PJA2: variants seen among roughly 807,000 people sequenced by gnomAD.
The protein encoded by PJA2 is E3 ubiquitin-protein ligase Praja-2.
A neutral mutation model predicts 69.3 loss-of-function variants in PJA2; 25 were observed. That is an observed-to-expected ratio of 0.36 (90% CI 0.26 to 0.50). The LOEUF is 0.50. PJA2 is among the 20% of genes least tolerant of loss of function. The pLI, the probability that PJA2 is intolerant of heterozygous loss-of-function variation, is 0.96. For synonymous variants in PJA2, 308 were observed against 277.8 expected, an observed-to-expected ratio of 1.11 and a Z score of -1.08; for missense variants, 809 against 830.2, an observed-to-expected ratio of 0.97 and a Z score of 0.31.
intron 9 of PJA2, among the ~76,000 whole-genome samples, chr5:109,338,822 A>T (rs1025364032): frequency 6.6e-6 from 1 of 152,142 alleles, no homozygotes; most frequent in Non-Finnish European, 1.5e-5. Context: ...AAAGATAACA[A>T]TAAGTCCTAA....
chr5:109,334,993 A>G lies in PJA2; in HGVS notation c.*2238T>C, dbSNP rs1761913510. 1 of 152,624 alleles carries G rather than the reference A, an allele frequency of 6.6e-6. No individual in the cohort carries two copies. The highest frequency in any genetic ancestry group is 1.5e-5 in the Non-Finnish European group (1 of 68,030). 9.5% of individuals were successfully genotyped at this position (152,624 alleles called of 1,614,324 possible). ...GAAATAAGAAAATGTTAAAAAAATA[A>G]AATTAGGTTAAGTCACAACATAAAA... On this transcript the variant is annotated 3_prime_UTR_variant, in exon 10 of 10. Transcript: ENST00000361189.
chr5:109,406,164 C>G (rs998994205), intron 1 of PJA2, among the ~76,000 whole-genome samples: 2 of 151,760 alleles, frequency 1.3e-5, no homozygotes, highest in Non-Finnish European at 2.9e-5. Context: ...CTAACTCAGC[C>G]GGAGTAGCTG....
At chr5:109,366,157 T>C (rs886702687) in intron 5 of PJA2, among the ~76,000 whole-genome samples, 16 of 151,086 alleles carry the variant, frequency 1.1e-4, no homozygotes, top group Admixed American at 6.6e-5. Flanking sequence ...GAATGCAAAA[T>C]ATATTAATTG....
At chr5:109,354,431 C>T (rs1394227285) in intron 7 of PJA2, among the ~76,000 whole-genome samples, 1 of 138,790 alleles carries the variant, frequency 7.2e-6, no homozygotes, top group Admixed American at 7.1e-5. Flanking sequence ...TCTATGATAT[C>T]TAGAGATGTC....
Position 109,335,047 on chromosome 5 carries a change from T to A in PJA2, c.*2184A>T, listed in dbSNP as rs1561335902. ...AGAAATAAGATAAATGCTATTTTAT[T>A]AATATTCATACTTATTTCTAATTTA... On this transcript the variant is annotated 3_prime_UTR_variant, in exon 10 of 10. Transcript: ENST00000361189. 6.6e-6 allele frequency: 1 copy of A among 152,634 alleles called. No individual in the cohort carries two copies. The highest frequency in any genetic ancestry group is 1.5e-5 in the Non-Finnish European group (1 of 68,024). The allele number at this position is 152,634 out of a possible 1,614,324, so 9.5% of individuals were successfully genotyped here.
chr5:109,340,577 C>T (rs1192800706), intron 9 of PJA2, among the ~76,000 whole-genome samples: 1 of 144,846 alleles, frequency 6.9e-6, no homozygotes, highest in East Asian at 2.1e-4. Context: ...AAAACACTTC[C>T]TTTATTTAAA....
chr5:109,399,023 C>T (rs1270898374), intron 1 of PJA2, among the ~76,000 whole-genome samples: 3 of 151,944 alleles, frequency 2.0e-5, no homozygotes, highest in African/African-American at 7.3e-5. Flanking sequence ...ACCAGCCTGG[C>T]CAACATGGTG....
At chr5:109,385,436 T>C (rs1488908739) in intron 1 of PJA2, among the ~76,000 whole-genome samples, 3 of 152,110 alleles carry the variant, frequency 2.0e-5, no homozygotes, top group Non-Finnish European at 4.4e-5. Context: ...GGCTGGGCAA[T>C]GGGAAAAATG....
At chr5:109,353,311 CTA>C (rs1374414821) in intron 7 of PJA2, among the ~76,000 whole-genome samples, 1 of 132,590 alleles carries the variant, frequency 7.5e-6, no homozygotes, top group Non-Finnish European at 1.6e-5. Context: ...TCTATAATAT[CTA>C]TAGATATCTA....
rs1747647116 is a variant in PJA2, at chr5:109,404,881, C to T, written c.-88+4961G>A. ...AGATTCAAAGCTTTCTTCTTAAGAT[C>T]AGGAACAGAGAAGGATATCTGCTTT... is the stretch of plus-strand genomic sequence containing the variant. On this transcript the variant is annotated intron_variant, in intron 1 of 9. Transcript: ENST00000361189. Among the ~76,000 whole-genome samples the T allele has an allele frequency of 4.6e-5, 7 of 152,298 alleles. No homozygotes were observed. In the South Asian group the frequency reaches 1.4e-3, roughly 32 times the overall value.
intron 8 of PJA2, 138 bp from the exon 9 acceptor site, chr5:109,344,449 C>T (rs1762140892): frequency 4.4e-6 from 4 of 917,092 alleles, no homozygotes; most frequent in Non-Finnish European, 4.7e-6. Flanking sequence ...GCAGGCATTT[C>T]TGTCTAATAC....
chr5:109,401,426 C>T (rs1319170852), intron 1 of PJA2, among the ~76,000 whole-genome samples: 5 of 152,046 alleles, frequency 3.3e-5, no homozygotes, highest in Non-Finnish European at 5.9e-5. Context: ...TACCACTGCA[C>T]TCCACTTGGG....
At chr5:109,400,665 C>T (rs1172926706) in intron 1 of PJA2, among the ~76,000 whole-genome samples, 1 of 152,058 alleles carries the variant, frequency 6.6e-6, no homozygotes, top group East Asian at 1.9e-4. Flanking sequence ...AAGATGTTAA[C>T]ATCTTTAACC....
intron 6 of PJA2, among the ~76,000 whole-genome samples, chr5:109,362,007 T>C (rs887173132): frequency 6.6e-6 from 1 of 152,198 alleles, no homozygotes; most frequent in Admixed American, 6.5e-5. Context: ...TCAGGAGATA[T>C]AAATGAGTTT....
chr5:109,379,564 T>A (rs1157435535), intron 3 of PJA2, among the ~76,000 whole-genome samples: 5 of 152,266 alleles, frequency 3.3e-5, no homozygotes, highest in Non-Finnish European at 5.9e-5. Context: ...GGTTATACAA[T>A]GGGAAGCCTC....
intron 1 of PJA2, among the ~76,000 whole-genome samples, chr5:109,400,852 G>T (rs1405240140): frequency 6.6e-6 from 1 of 152,006 alleles, no homozygotes; most frequent in Non-Finnish European, 1.5e-5. Flanking sequence ...GCATGGTTGC[G>T]GGTGCCTGTA....
intron 1 of PJA2, among the ~76,000 whole-genome samples, chr5:109,393,051 T>A (rs1388007505): frequency 6.6e-6 from 1 of 151,954 alleles, no homozygotes; most frequent in Admixed American, 6.6e-5. Context: ...ATTCAGAGAC[T>A]GAAAAGGAAA....
chr5:109,342,972 C>T (rs1252429742), intron 9 of PJA2, among the ~76,000 whole-genome samples: 3 of 90,690 alleles, frequency 3.3e-5, no homozygotes, highest in Admixed American at 3.0e-4. Context: ...GGTGAGGAGC[C>T]CCTCTGCCCG....
chr5:109,345,513 C>CA (rs531364060), intron 7 of PJA2, among the ~76,000 whole-genome samples: 4,779 of 91,686 alleles, frequency 0.052, 331 homozygotes, highest in African/African-American at 0.076. Flanking sequence ...GACTCTGTCT[C>CA]AAAAAAAAAA....
Sources: gnomAD v4.1 joint callset for allele counts (sites outside exome capture counted in the v4.1 genomes callset) on GRCh38, gnomAD v4.1.1 for gene constraint, MANE v1.5 for transcripts, NCBI Gene and HGNC (gene_info 2026-07-23, HGNC 2026-07-21) for gene names.